Variants in DMRT1 observed in about 807,000 individuals in gnomAD.
The protein encoded by DMRT1 is doublesex- and mab-3-related transcription factor 1.
DMRT1 carries 7 observed loss-of-function variants against 32.3 expected under a neutral mutation model. The ratio of observed to expected loss-of-function variants is 0.22; its 90% CI spans 0.12 to 0.41. The LOEUF is 0.41. DMRT1 is among the 10% of genes least tolerant of loss of function. DMRT1 has a pLI of 1.00. For missense variants in DMRT1, 625 were observed against 500.5 expected, an observed-to-expected ratio of 1.25 and a Z score of -2.37; for synonymous variants, 278 against 206.1, an observed-to-expected ratio of 1.35 and a Z score of -2.99.
chr9:854,475 G>T (rs1311681176), intron 2 of DMRT1, among the ~76,000 whole-genome samples: 1 of 151,946 alleles, frequency 6.6e-6, no homozygotes, highest in Non-Finnish European at 1.5e-5. Flanking sequence ...GTAGAGACAG[G>T]GTTTTGCCAC....
chr9:896,040 T>A (rs182324093), intron 3 of DMRT1, among the ~76,000 whole-genome samples: 58 of 151,974 alleles, frequency 3.8e-4, no homozygotes, highest in African/African-American at 1.3e-3. Context: ...CTTGCCCTTG[T>A]GATTGGCCCA....
intron 2 of DMRT1, among the ~76,000 whole-genome samples, chr9:853,038 T>C (rs1389166987): frequency 3.3e-5 from 5 of 152,206 alleles, no homozygotes; most frequent in Non-Finnish European, 5.9e-5. Flanking sequence ...GTAAGAGATA[T>C]GGCTGGTGAA....
intron 4 of DMRT1, among the ~76,000 whole-genome samples, chr9:939,211 A>G (rs555077336): frequency 2.0e-5 from 3 of 152,206 alleles, no homozygotes; most frequent in Admixed American, 6.5e-5. Context: ...TCCTTTCAAG[A>G]TGCTTCCATC....
intron 2 of DMRT1, among the ~76,000 whole-genome samples, chr9:863,612 G>A (rs1382890471): frequency 6.6e-6 from 1 of 152,162 alleles, no homozygotes. Context: ...AACAGTCCCT[G>A]CTAGAGGCTC....
At chr9:905,230 C>T (rs966989964) in intron 3 of DMRT1, among the ~76,000 whole-genome samples, 2 of 152,184 alleles carry the variant, frequency 1.3e-5, no homozygotes, top group African/African-American at 4.8e-5. Flanking sequence ...ATAGCATTGG[C>T]CCTGTGGGCA....
intron 2 of DMRT1, among the ~76,000 whole-genome samples, chr9:858,901 T>C (rs1815529545): frequency 6.6e-6 from 1 of 150,416 alleles, no homozygotes; most frequent in Admixed American, 6.7e-5. Context: ...ATATTTATCA[T>C]TGTAACCATT....
chr9:909,638 A>G (rs1321858727), intron 3 of DMRT1, among the ~76,000 whole-genome samples: 2 of 152,168 alleles, frequency 1.3e-5, no homozygotes, highest in African/African-American at 2.4e-5. Flanking sequence ...TGTTCAGAAA[A>G]CCAAAGGTTT....
intron 4 of DMRT1, among the ~76,000 whole-genome samples, chr9:947,493 A>T (rs1295744792): frequency 3.3e-5 from 5 of 152,200 alleles, no homozygotes; most frequent in Admixed American, 3.3e-4. Context: ...TTTGTACTCC[A>T]TTTATTCTGA....
chr9:841,746 C>A lies in DMRT1; in HGVS notation c.-93C>A. The A allele has an allele frequency of 1.3e-6, 2 of 1,547,874 alleles. No individual in the cohort carries two copies. Among genetic ancestry groups the A allele is most frequent in the Non-Finnish European group, 1.7e-6 (2 of 1,147,084 alleles). ...GCGCACACGTCTCCTGCGCCTCCTC[C>A]TCCGGAGCGTCGCTGTCCGTCGGGT... On this transcript the variant is annotated 5_prime_UTR_variant, in exon 1 of 5. Transcript: ENST00000382276.
chr9:913,043 C>T (rs1818043680), intron 3 of DMRT1, among the ~76,000 whole-genome samples: 1 of 152,178 alleles, frequency 6.6e-6, no homozygotes, highest in Non-Finnish European at 1.5e-5. Context: ...TACTGTTTGA[C>T]ATTTACAATA....
intron 2 of DMRT1, among the ~76,000 whole-genome samples, chr9:853,527 T>A (rs892435749): frequency 2.0e-5 from 3 of 151,630 alleles, no homozygotes; most frequent in African/African-American, 7.3e-5. Context: ...GGCTGGGGTG[T>A]AGTGGTGTGA....
intron 4 of DMRT1, among the ~76,000 whole-genome samples, chr9:956,007 G>A (rs757547555): frequency 8.5e-5 from 13 of 152,228 alleles, no homozygotes; most frequent in Non-Finnish European, 1.8e-4. Flanking sequence ...GTTATTCAAA[G>A]GTGGATGCAA....
At chr9:870,428 A>AACAACAACC (rs1816190000) in intron 2 of DMRT1, among the ~76,000 whole-genome samples, 1 of 151,984 alleles carries the variant, frequency 6.6e-6, no homozygotes, top group Non-Finnish European at 1.5e-5. Flanking sequence ...CAACAACAAC[A>AACAACAACC]TAGCTCTGGT....
At chr9:913,637 G>C (rs1818066102) in intron 3 of DMRT1, among the ~76,000 whole-genome samples, 1 of 150,924 alleles carries the variant, frequency 6.6e-6, no homozygotes, top group Admixed American at 6.6e-5. Context: ...GCTGACACTT[G>C]TAATCTCAGC....
At chr9:945,977 T>C (rs972006977) in intron 4 of DMRT1, among the ~76,000 whole-genome samples, 3 of 152,196 alleles carry the variant, frequency 2.0e-5, no homozygotes, top group Non-Finnish European at 2.9e-5. Flanking sequence ...ACTTTCCTTT[T>C]TTCAATCAAT....
chr9:931,360 A>G (rs1818718825), intron 4 of DMRT1, among the ~76,000 whole-genome samples: 1 of 152,234 alleles, frequency 6.6e-6, no homozygotes, highest in Non-Finnish European at 1.5e-5. Context: ...TTTGAATTCA[A>G]CATACAAATG....
chr9:908,338 G>A (rs1268022177), intron 3 of DMRT1, among the ~76,000 whole-genome samples: 5 of 152,068 alleles, frequency 3.3e-5, no homozygotes, highest in African/African-American at 1.2e-4. Context: ...TGCGCCTGTA[G>A]TTCTAGCTAC....
chr9:860,392 T>G (rs930690050), intron 2 of DMRT1, among the ~76,000 whole-genome samples: 1 of 133,658 alleles, frequency 7.5e-6, no homozygotes, highest in Non-Finnish European at 1.8e-5. Context: ...AATAAATGTT[T>G]GCTGAATTGA....
chr9:904,593 C>G (rs778563271), intron 3 of DMRT1, among the ~76,000 whole-genome samples: 2 of 152,196 alleles, frequency 1.3e-5, no homozygotes, highest in African/African-American at 2.4e-5. Flanking sequence ...GTGCCTGGCA[C>G]TGTGCTAGAG....
Sources: gnomAD v4.1 joint callset for allele counts (sites outside exome capture counted in the v4.1 genomes callset) on GRCh38, gnomAD v4.1.1 for gene constraint, MANE v1.5 for transcripts, NCBI Gene and HGNC (gene_info 2026-07-23, HGNC 2026-07-21) for gene names.